Variants in SH3PXD2A observed in about 807,000 individuals in gnomAD.
The protein encoded by SH3PXD2A is SH3 and PX domains 2A, also known as SH3 and PX domain-containing protein 2A.
In SH3PXD2A, 32 loss-of-function variants were observed where a neutral mutation model predicts 115.2. The ratio of observed to expected loss-of-function variants is 0.28; its 90% CI spans 0.21 to 0.37. The LOEUF (loss-of-function observed/expected upper bound fraction) is 0.37, where lower values mean the gene tolerates loss of function less well. Among genes scored for constraint, SH3PXD2A ranks in the 10% least tolerant of loss-of-function variants. The pLI is 1.00. For synonymous variants in SH3PXD2A, 610 were observed against 629.1 expected, an observed-to-expected ratio of 0.97 and a Z score of 0.45; for missense variants, 1,328 against 1,498.7, an observed-to-expected ratio of 0.89 and a Z score of 1.88.
At chr10:103,740,288 T>C (rs1460754185) in intron 3 of SH3PXD2A, among the ~76,000 whole-genome samples, 1 of 152,168 alleles carries the variant, frequency 6.6e-6, no homozygotes, top group Non-Finnish European at 1.5e-5. Flanking sequence ...GATTTCAACC[T>C]GGGGTTTTAA....
chr10:103,826,960 C>T (rs1006917603), intron 1 of SH3PXD2A, among the ~76,000 whole-genome samples: 3 of 152,224 alleles, frequency 2.0e-5, no homozygotes, highest in Middle Eastern at 6.8e-3. Context: ...AGGGATAACT[C>T]GTAGAATGAG....
At chr10:103,800,265 T>A (rs989988138) in intron 2 of SH3PXD2A, among the ~76,000 whole-genome samples, 20 of 152,316 alleles carry the variant, frequency 1.3e-4, no homozygotes, top group African/African-American at 4.6e-4. Context: ...TGGCCATGTC[T>A]GTGCTAAAAG....
intron 8 of SH3PXD2A, among the ~76,000 whole-genome samples, chr10:103,649,113 C>G (rs1196883596): frequency 2.0e-5 from 3 of 152,232 alleles, no homozygotes; most frequent in Non-Finnish European, 4.4e-5. Flanking sequence ...TGAGCTGAAA[C>G]TGGCCCGTTT....
chr10:103,757,707 G>A lies in SH3PXD2A; in HGVS notation c.229+9387C>T, dbSNP rs536657990. On this transcript the variant is annotated intron_variant, in intron 3 of 14. Transcript: ENST00000369774. The stretch of plus-strand genomic sequence containing the variant: ...GCAAGACCTGGAGGGTCTGCAGCTC[G>A]GAGTCTGGAAGGTAGTGACAGTGAC... Among the ~76,000 whole-genome samples the A allele has an allele frequency of 6.6e-5, 10 of 152,320 alleles. No homozygotes were observed. In the East Asian group the frequency reaches 9.6e-4, roughly 15 times the overall value.
At chr10:103,640,666 G>A (rs572591345) in intron 8 of SH3PXD2A, among the ~76,000 whole-genome samples, 15 of 152,300 alleles carry the variant, frequency 9.8e-5, no homozygotes, top group East Asian at 3.9e-4. Flanking sequence ...AGAAGAAGGC[G>A]GTGAATTCCA....
intron 7 of SH3PXD2A, among the ~76,000 whole-genome samples, chr10:103,664,427 T>C (rs148754126): frequency 4.3e-4 from 66 of 152,300 alleles, no homozygotes; most frequent in Middle Eastern, 3.4e-3. Context: ...GGTCCTGTGA[T>C]GGCCCCGTTT....
In SH3PXD2A at chr10:103,847,710, G is replaced by A. The variant is rs573675536; in HGVS notation, c.72+7485C>T. The stretch of plus-strand genomic sequence containing the variant: ...TCCCAGCACTTTGGGAGGCTGAGGC[G>A]AGTGGATCACCTGAGGTCAGGAGTT... On this transcript the variant is annotated intron_variant, in intron 1 of 14. Coordinates refer to ENST00000369774, the MANE Select transcript of SH3PXD2A (RefSeq NM_001394015.1). Among the ~76,000 whole-genome samples, 9 of 152,244 alleles carry A rather than the reference G, an allele frequency of 5.9e-5. No homozygotes were observed. The Middle Eastern group carries it at 0.017, about 288-fold the overall frequency.
At chr10:103,817,019 T>C (rs1264136629) in intron 1 of SH3PXD2A, among the ~76,000 whole-genome samples, 1 of 128,954 alleles carries the variant, frequency 7.8e-6, no homozygotes. Context: ...TTTTTTTTTT[T>C]CTGTATTTTT....
intron 3 of SH3PXD2A, among the ~76,000 whole-genome samples, chr10:103,745,341 A>G (rs1301333866): frequency 6.6e-6 from 1 of 152,212 alleles, no homozygotes; most frequent in East Asian, 1.9e-4. Flanking sequence ...CTTAAGCCAG[A>G]TTGAGATGGG....
At chr10:103,789,588 C>G (rs945106681) in intron 2 of SH3PXD2A, among the ~76,000 whole-genome samples, 2 of 152,162 alleles carry the variant, frequency 1.3e-5, no homozygotes, top group Non-Finnish European at 2.9e-5. Flanking sequence ...AAAGATCCCC[C>G]TTCCCTTCAT....
chr10:103,639,909 T>C (rs539535330), intron 8 of SH3PXD2A, among the ~76,000 whole-genome samples: 2 of 152,206 alleles, frequency 1.3e-5, no homozygotes, highest in African/African-American at 4.8e-5. Flanking sequence ...AGGGGTGGCC[T>C]GCTAAGAATC....
At chr10:103,632,211 C>T (rs1313990527) in intron 8 of SH3PXD2A, among the ~76,000 whole-genome samples, 1 of 152,130 alleles carries the variant, frequency 6.6e-6, no homozygotes, top group Non-Finnish European at 1.5e-5. Flanking sequence ...TCCCCCAGCA[C>T]ACTTCCTCTC....
At position 103,600,639 on chromosome 10, in the gene SH3PXD2A, C is replaced by T. The variant is rs1439941615; in HGVS notation, c.*1177G>A. The T allele has an allele frequency of 6.6e-6, 1 of 152,216 alleles. No homozygotes were observed. The highest frequency in any genetic ancestry group is 1.5e-5 in the Non-Finnish European group (1 of 68,032). 9.4% of individuals were successfully genotyped at this position (152,216 alleles called of 1,614,324 possible). A position where few individuals can be genotyped will look rare whatever the true frequency, so the allele number is the denominator to read the frequency against. On this transcript the variant is annotated 3_prime_UTR_variant, in exon 15 of 15. Coordinates refer to ENST00000369774, the MANE Select transcript of SH3PXD2A (RefSeq NM_001394015.1). ...AGTCTGGCTCCTGAACACCCTCCTC[C>T]TTCCTGGGGAGGGTTTTTGCCCCTC...
rs199832355 is a variant in SH3PXD2A at position 103,602,507 on chromosome 10, G to C, written c.2711C>G (p.Pro904Arg). 1 of 1,614,148 alleles carries C rather than the reference G, an allele frequency of 6.2e-7. No homozygotes were observed. The change falls in exon 15 of 15, where the codon CCC becomes CGC. Residue 904 changes from proline (P) to arginine (R), a missense_variant. Physicochemically the swap from Pro to Arg is moderately radical, Grantham distance 103. Coordinates refer to ENST00000369774, the MANE Select transcript of SH3PXD2A (RefSeq NM_001394015.1). ...CACTGTGTCCAGCTCTTTGCCAGAG[G>C]GGTCAGGTTGCTCGTTCTCATCCAG... ...LVLDENEQPD[P>R]SGKELDTVPA...
At chr10:103,761,831 C>CA (rs749605648) in intron 3 of SH3PXD2A, among the ~76,000 whole-genome samples, 2 of 152,058 alleles carry the variant, frequency 1.3e-5, no homozygotes, top group Non-Finnish European at 2.9e-5. Flanking sequence ...CCTTCTTGCC[C>CA]AAGGAAAGAC....
At chr10:103,805,082 C>T (rs183011190) in intron 1 of SH3PXD2A, among the ~76,000 whole-genome samples, 25 of 152,312 alleles carry the variant, frequency 1.6e-4, no homozygotes, top group East Asian at 1.2e-3. Flanking sequence ...AGCCTTTCTC[C>T]GGAACCAACC....
At chr10:103,681,849 T>C (rs2037614621) in intron 6 of SH3PXD2A, among the ~76,000 whole-genome samples, 1 of 152,018 alleles carries the variant, frequency 6.6e-6, no homozygotes, top group Non-Finnish European at 1.5e-5. Flanking sequence ...CCGAGGTGGG[T>C]GGACTGCTTG....
chr10:103,601,676 G>C lies in SH3PXD2A; in HGVS notation c.*140C>G. ...GGCTTGGACAGGGGGCATCTTTGAG[G>C]TCACCCATTCTGCAGTGTTGAATGT... On this transcript the variant is annotated 3_prime_UTR_variant, in exon 15 of 15. Coordinates refer to ENST00000369774, the MANE Select transcript of SH3PXD2A (RefSeq NM_001394015.1). The C allele has an allele frequency of 1.9e-6, 1 of 538,784 alleles. No individual in the cohort carries two copies. The highest frequency in any genetic ancestry group is 3.4e-6 in the Non-Finnish European group (1 of 296,330). The allele number at this position is 538,784 out of a possible 1,614,324, so 33.4% of individuals were successfully genotyped here. A position where few individuals can be genotyped will look rare whatever the true frequency, so the allele number is the denominator to read the frequency against.
chr10:103,604,273 C>T (rs1230786291), intron 14 of SH3PXD2A, among the ~76,000 whole-genome samples: 1 of 152,186 alleles, frequency 6.6e-6, no homozygotes, highest in Non-Finnish European at 1.5e-5. Context: ...CTGGGAGGTA[C>T]AGGCCCGAGG....
Sources: allele counts gnomAD v4.1 joint callset (sites outside exome capture counted in the v4.1 genomes callset), GRCh38; gene constraint gnomAD v4.1.1; transcripts MANE v1.5; gene names NCBI Gene and HGNC (gene_info 2026-07-23, HGNC 2026-07-21).